The following GABRG3 variants were observed in gnomAD, a reference collection of about 807,000 sequenced individuals.
GABRG3 encodes the protein gamma-aminobutyric acid type A receptor subunit gamma3.
Under a neutral mutation model 48.8 loss-of-function variants are expected in GABRG3, and 25 were observed. The ratio of observed to expected loss-of-function variants is 0.51; its 90% CI spans 0.37 to 0.72. The LOEUF (loss-of-function observed/expected upper bound fraction) is 0.72. Ranked by LOEUF, GABRG3 falls within the 30% of genes least tolerant of loss-of-function variation. The pLI, the probability that GABRG3 is intolerant of heterozygous loss-of-function variation, is 0.00. For missense variants in GABRG3, 394 were observed against 577.9 expected, an observed-to-expected ratio of 0.68 and a Z score of 3.26; for synonymous variants, 227 against 217.6, an observed-to-expected ratio of 1.04 and a Z score of -0.38.
At chr15:27,008,798 C>T (rs968958168) in intron 2 of GABRG3, among the ~76,000 whole-genome samples, 23 of 152,244 alleles carry the variant, frequency 1.5e-4, no homozygotes, top group African/African-American at 2.9e-4. Context: ...TCGCCGTGAG[C>T]GGACATCTCT....
intron 5 of GABRG3, among the ~76,000 whole-genome samples, chr15:27,377,244 C>T (rs552478935): frequency 6.6e-6 from 1 of 152,312 alleles, no homozygotes; most frequent in South Asian, 2.1e-4. Flanking sequence ...CAACAAGTTT[C>T]CAGGAAGTTC....
rs549861586 is a variant in GABRG3, at chr15:27,031,547, A to G, written c.270+4726A>G. Among the ~76,000 whole-genome samples the G allele has an allele frequency of 3.3e-5, 5 of 152,334 alleles. No homozygotes were observed. In the South Asian group the frequency reaches 1.0e-3, roughly 32 times the overall value. ...TATAGCGTGACCATGTGTTACCAGA[A>G]ATTGATGGGATGGCTCTGTGGATTG... On this transcript the variant is annotated intron_variant, in intron 3 of 9. Coordinates refer to ENST00000615808, the MANE Select transcript of GABRG3 (RefSeq NM_033223.5).
chr15:26,980,265 T>C (rs886835456), intron 2 of GABRG3, among the ~76,000 whole-genome samples: 32 of 152,334 alleles, frequency 2.1e-4, no homozygotes, highest in African/African-American at 7.5e-4. Flanking sequence ...CAACTTTTTG[T>C]ATGATAGTTT....
At chr15:27,251,644 A>G (rs550618214) in intron 3 of GABRG3, among the ~76,000 whole-genome samples, 5 of 152,336 alleles carry the variant, frequency 3.3e-5, no homozygotes, top group Middle Eastern at 3.4e-3. Flanking sequence ...GTTCATTTGA[A>G]TGGGCTTTTC....
intron 5 of GABRG3, among the ~76,000 whole-genome samples, chr15:27,403,908 A>C (rs1287044970): frequency 7.9e-6 from 1 of 126,006 alleles, no homozygotes; most frequent in Non-Finnish European, 1.5e-5. Flanking sequence ...CAGACTCAAA[A>C]AAAAACAAAA....
At chr15:27,397,835 C>CG (rs1645695436) in intron 5 of GABRG3, among the ~76,000 whole-genome samples, 2 of 147,110 alleles carry the variant, frequency 1.4e-5, no homozygotes, top group Non-Finnish European at 3.0e-5. Flanking sequence ...GACGGAGTCT[C>CG]GCTCTGTGGC....
intron 5 of GABRG3, among the ~76,000 whole-genome samples, chr15:27,419,335 C>A (rs560137289): frequency 6.6e-6 from 1 of 152,210 alleles, no homozygotes; most frequent in Admixed American, 6.5e-5. Context: ...ATATTTTGAC[C>A]TTTGGTTCTT....
chr15:27,329,469 TGGTCAGGCTAGTCTC>T (rs1893732739), intron 5 of GABRG3, among the ~76,000 whole-genome samples: 1 of 152,122 alleles, frequency 6.6e-6, no homozygotes, highest in Admixed American at 6.5e-5. Context: ...TTCACCATGT[TGGTCAGGCTAGTCTC>T]AAACTCCTGA....
At chr15:27,115,575 A>G (rs369743332) in intron 3 of GABRG3, among the ~76,000 whole-genome samples, 1 of 152,182 alleles carries the variant, frequency 6.6e-6, no homozygotes, top group East Asian at 1.9e-4. Context: ...AGTATTGCCA[A>G]TGATTATGTT....
intron 3 of GABRG3, among the ~76,000 whole-genome samples, chr15:27,052,130 C>G (rs74006562): frequency 6.6e-6 from 1 of 152,120 alleles, no homozygotes. Flanking sequence ...GGCCACAGAT[C>G]GGGCGTTGGG....
chr15:27,017,349 G>T (rs1418976770), intron 2 of GABRG3, among the ~76,000 whole-genome samples: 4 of 152,150 alleles, frequency 2.6e-5, no homozygotes, highest in African/African-American at 2.4e-5. Context: ...CTACTCAGGG[G>T]TTCACTCTGA....
intron 5 of GABRG3, among the ~76,000 whole-genome samples, chr15:27,333,846 C>T (rs1007597956): frequency 6.6e-6 from 1 of 152,090 alleles, no homozygotes; most frequent in Non-Finnish European, 1.5e-5. Context: ...TGAATTATGA[C>T]AAACTGTATT....
At chr15:27,231,034 TG>T (rs1889780670) in intron 3 of GABRG3, among the ~76,000 whole-genome samples, 1 of 151,880 alleles carries the variant, frequency 6.6e-6, no homozygotes, top group African/African-American at 2.4e-5. Context: ...TGTGTGTGTG[TG>T]TGTGTGTGTG....
At chr15:27,446,762 G>A (rs903746257) in intron 5 of GABRG3, among the ~76,000 whole-genome samples, 1 of 152,126 alleles carries the variant, frequency 6.6e-6, no homozygotes, top group African/African-American at 2.4e-5. Context: ...TTACTAGGAT[G>A]GATGACTCTT....
rs1887898922 is a variant in GABRG3, at chr15:27,180,599, ATTCTGT to A, written c.271-146205_271-146200del. Among the ~76,000 whole-genome samples, 1 of 151,706 alleles carries A rather than the reference ATTCTGT, an allele frequency of 6.6e-6. No homozygotes were observed. The highest frequency in any genetic ancestry group is 2.4e-5 in the African/African-American group (1 of 41,234). On this transcript the variant is annotated intron_variant, in intron 3 of 9. Transcript: ENST00000615808. This position sits in a 1 kb window ranked among gnomAD's most constrained non-coding sequence, Gnocchi z 4.2. ...TTCACTCAACTTTACCCCAACTCAG[ATTCTGT>A]TTCTAAGGTGAACTTACACATTGTG... is the stretch of plus-strand genomic sequence containing the variant.
intron 3 of GABRG3, among the ~76,000 whole-genome samples, chr15:27,268,705 C>G (rs1250847284): frequency 6.6e-6 from 1 of 151,942 alleles, no homozygotes; most frequent in East Asian, 1.9e-4. Flanking sequence ...GCATGTTTTG[C>G]TATGTTGTAT....
chr15:27,305,040 C>A (rs1180986855), intron 3 of GABRG3, among the ~76,000 whole-genome samples: 1 of 151,840 alleles, frequency 6.6e-6, no homozygotes, highest in African/African-American at 2.4e-5. Flanking sequence ...CTTTAGGTGT[C>A]ACAACTATGA....
At chr15:27,303,124 G>C (rs988819944) in intron 3 of GABRG3, among the ~76,000 whole-genome samples, 2 of 150,984 alleles carry the variant, frequency 1.3e-5, no homozygotes, top group Non-Finnish European at 3.0e-5. Context: ...AAATAATAAA[G>C]TAAAAATCAA....
At chr15:27,381,555 T>A (rs1389878556) in intron 5 of GABRG3, among the ~76,000 whole-genome samples, 1 of 152,234 alleles carries the variant, frequency 6.6e-6, no homozygotes, top group Non-Finnish European at 1.5e-5. Context: ...GATTCCTGCT[T>A]GTGGGCTTCT....
Sources: gnomAD v4.1 joint callset for allele counts (sites outside exome capture counted in the v4.1 genomes callset) on GRCh38, gnomAD v4.1.1 for gene constraint, Gnocchi (gnomAD v3.1) non-coding constraint, MANE v1.5 for transcripts, NCBI Gene and HGNC (gene_info 2026-07-23, HGNC 2026-07-21) for gene names.